CXCL13: variants seen among roughly 807,000 people sequenced by gnomAD.
CXCL13 encodes the protein C-X-C motif chemokine 13.
CXCL13 carries 7 observed loss-of-function variants against 12.2 expected under a neutral mutation model. The ratio of observed to expected loss-of-function variants is 0.57; its 90% CI spans 0.33 to 1.07. CXCL13 has a LOEUF of 1.07. CXCL13 is among the 50% of genes least tolerant of loss of function. CXCL13 has a pLI of 0.04. For synonymous variants in CXCL13, 47 were observed against 42.4 expected, an observed-to-expected ratio of 1.11 and a Z score of -0.42; for missense variants, 113 against 127.4, an observed-to-expected ratio of 0.89 and a Z score of 0.55.
chr4:77,527,697 C>T (rs191348354), intron 1 of CXCL13, among the ~76,000 whole-genome samples: 23 of 151,720 alleles, frequency 1.5e-4, no homozygotes, highest in African/African-American at 5.3e-4. Flanking sequence ...TTCAAGTGAA[C>T]GTGCTTTAGA....
intron 1 of CXCL13, among the ~76,000 whole-genome samples, chr4:77,538,007 G>C (rs1725102030): frequency 6.6e-6 from 1 of 152,192 alleles, no homozygotes; most frequent in South Asian, 2.1e-4. Flanking sequence ...TCTGCCCCCA[G>C]AGAGTAAGAA....
At chr4:77,541,307 C>T (rs1274429774) in intron 1 of CXCL13, among the ~76,000 whole-genome samples, 1 of 152,092 alleles carries the variant, frequency 6.6e-6, no homozygotes. Flanking sequence ...CCTTGGAGGA[C>T]TTAGTCATAA....
intron 1 of CXCL13, among the ~76,000 whole-genome samples, chr4:77,518,204 C>G (rs1313295403): frequency 6.6e-6 from 1 of 152,188 alleles, no homozygotes; most frequent in East Asian, 1.9e-4. Flanking sequence ...GTAACCCGAC[C>G]TTTCTCTCTG....
At chr4:77,539,848 G>C (rs1408900482) in intron 1 of CXCL13, among the ~76,000 whole-genome samples, 1 of 152,068 alleles carries the variant, frequency 6.6e-6, no homozygotes, top group East Asian at 1.9e-4. Context: ...GACATTCCTG[G>C]TGTGTGTGGT....
At chr4:77,564,975 C>G (rs1220663979) in intron 1 of CXCL13, among the ~76,000 whole-genome samples, 1 of 152,114 alleles carries the variant, frequency 6.6e-6, no homozygotes, top group African/African-American at 2.4e-5. Context: ...TTTCCTGGAC[C>G]CATTTTGCTT....
intron 1 of CXCL13, among the ~76,000 whole-genome samples, chr4:77,529,018 C>T (rs1724840737): frequency 6.6e-6 from 1 of 152,164 alleles, no homozygotes. Flanking sequence ...TTTCCCAGCA[C>T]CATTTATTAA....
chr4:77,585,340 C>A (rs187906898), intron 1 of CXCL13, among the ~76,000 whole-genome samples: 36 of 152,268 alleles, frequency 2.4e-4, no homozygotes, highest in African/African-American at 6.7e-4. Context: ...AAAATTATTG[C>A]AAACGATGTT....
At chr4:77,513,165 C>T (rs1488792282) in intron 1 of CXCL13, among the ~76,000 whole-genome samples, 1 of 151,954 alleles carries the variant, frequency 6.6e-6, no homozygotes, top group African/African-American at 2.4e-5. Context: ...GTATATGTGC[C>T]ACATTTTCTT....
At chr4:77,515,972 G>A (rs549369649) in intron 1 of CXCL13, among the ~76,000 whole-genome samples, 3 of 152,306 alleles carry the variant, frequency 2.0e-5, no homozygotes, top group African/African-American at 4.8e-5. Flanking sequence ...ATTGTTTTGA[G>A]ATATGTCCCT....
At chr4:77,541,021 T>C (rs1725194185) in intron 1 of CXCL13, among the ~76,000 whole-genome samples, 1 of 152,214 alleles carries the variant, frequency 6.6e-6, no homozygotes, top group South Asian at 2.1e-4. Context: ...TGAACATTTT[T>C]TTCATACGTT....
At chr4:77,597,738 T>G (rs191598275) in intron 1 of CXCL13, among the ~76,000 whole-genome samples, 2 of 152,266 alleles carry the variant, frequency 1.3e-5, no homozygotes, top group Non-Finnish European at 2.9e-5. Context: ...AAATGGCTCT[T>G]GGGTGGGCAA....
intron 2 of CXCL13, among the ~76,000 whole-genome samples, chr4:77,609,807 G>C (rs1727101732): frequency 1.3e-5 from 2 of 152,216 alleles, no homozygotes; most frequent in Admixed American, 1.3e-4. Context: ...GTGAAGAAAA[G>C]TGTGGGCTCT....
intron 1 of CXCL13, among the ~76,000 whole-genome samples, chr4:77,564,243 C>A (rs948056261): frequency 1.3e-5 from 2 of 152,156 alleles, no homozygotes; most frequent in Non-Finnish European, 2.9e-5. Flanking sequence ...GCTGGAGTTT[C>A]TAGAAACTTC....
At chr4:77,559,118 T>C in intron 1 of CXCL13, among the ~76,000 whole-genome samples, 1 of 152,308 alleles carries the variant, frequency 6.6e-6, no homozygotes, top group East Asian at 1.9e-4. Context: ...GCTGGGATTG[T>C]ATGTCCTCTG....
intron 1 of CXCL13, among the ~76,000 whole-genome samples, chr4:77,538,215 G>A (rs1011702946): frequency 6.6e-6 from 1 of 152,172 alleles, no homozygotes; most frequent in Non-Finnish European, 1.5e-5. Context: ...GCAGGAAGGT[G>A]CCTCAGTTCA....
intron 1 of CXCL13, among the ~76,000 whole-genome samples, chr4:77,545,743 T>C (rs1475337599): frequency 6.6e-6 from 1 of 152,220 alleles, no homozygotes; most frequent in Non-Finnish European, 1.5e-5. Flanking sequence ...CTTTATTTCT[T>C]TCTCCTGCCT....
chr4:77,595,200 G>T (rs62304088), intron 1 of CXCL13, among the ~76,000 whole-genome samples: 10,062 of 151,688 alleles, frequency 0.066, 462 homozygotes, highest in Middle Eastern at 0.14. Context: ...ACGGGCAGCC[G>T]CTGTTTTTGA....
At chr4:77,530,621 T>A (rs1724887761) in intron 1 of CXCL13, among the ~76,000 whole-genome samples, 1 of 152,202 alleles carries the variant, frequency 6.6e-6, no homozygotes, top group African/African-American at 2.4e-5. Context: ...GGTGGTGATA[T>A]CCCCTTTAAC....
intron 1 of CXCL13, among the ~76,000 whole-genome samples, chr4:77,547,867 G>A (rs1004925254): frequency 1.1e-4 from 17 of 152,124 alleles, no homozygotes; most frequent in Non-Finnish European, 1.5e-4. Context: ...GCAGTGGCTG[G>A]TACAGGTTTT....
Sources: gnomAD v4.1 joint callset for allele counts (sites outside exome capture counted in the v4.1 genomes callset) on GRCh38, gnomAD v4.1.1 for gene constraint, MANE v1.5 for transcripts, NCBI Gene and HGNC (gene_info 2026-07-23, HGNC 2026-07-21) for gene names.